The following GLI2 variants were observed in gnomAD, a reference collection of about 807,000 sequenced individuals.
The protein encoded by GLI2 is GLI family zinc finger 2.
Under a neutral mutation model 78.9 loss-of-function variants are expected in GLI2, and 22 were observed. The observed-to-expected ratio is 0.28, with a 90% CI of 0.20 to 0.40. GLI2 has a LOEUF of 0.40. GLI2 is among the 10% of genes least tolerant of loss of function. GLI2 has a pLI of 1.00. For missense variants in GLI2, 2,097 were observed against 2,213.2 expected (o/e 0.95, Z 1.05); for synonymous variants, 974 against 963.7 (o/e 1.01, Z -0.20).
chr2:120,900,668 G>A (rs764090798), intron 2 of GLI2, among the ~76,000 whole-genome samples: 7 of 152,212 alleles, frequency 4.6e-5, no homozygotes, highest in Non-Finnish European at 7.3e-5. Context: ...ATTATTTGCT[G>A]TCTTCTTCTG....
intron 8 of GLI2, among the ~76,000 whole-genome samples, chr2:120,974,384 AG>A (rs1210863864): frequency 2.0e-5 from 3 of 152,314 alleles, no homozygotes; most frequent in Non-Finnish European, 4.4e-5. Flanking sequence ...TGAGAGAAAA[AG>A]ACTTTGTCCT....
At chr2:120,845,668 C>T (rs920618948) in intron 2 of GLI2, among the ~76,000 whole-genome samples, 1 of 152,216 alleles carries the variant, frequency 6.6e-6, no homozygotes, top group African/African-American at 2.4e-5. Context: ...CATTCTACCA[C>T]TAATGAACTC....
At chr2:120,804,356 C>T (rs956648446) in intron 2 of GLI2, among the ~76,000 whole-genome samples, 3 of 152,166 alleles carry the variant, frequency 2.0e-5, no homozygotes, top group Admixed American at 6.5e-5. Flanking sequence ...CCCACATCCC[C>T]GCTTGCAGCA....
In GLI2 at chr2:120,988,358, C is replaced by T. The variant is rs1026630572; in HGVS notation, c.2393C>T (p.Ser798Leu). 1.3e-6 allele frequency: 2 copies of T among 1,569,462 alleles called. No individual in the cohort carries two copies. The highest frequency in any genetic ancestry group is 1.7e-6 in the Non-Finnish European group (2 of 1,166,326). ...RRDSSTSTVSSAYTVSRRSSG... is the reference protein window; with the variant it reads ...RRDSSTSTVSLAYTVSRRSSG... ...GACAGCTCCACCAGCACGGTCAGCT[C>T]GGCCTACACCGTGAGCCGCCGCTCC... Residue 798 changes from serine (S) to leucine (L), a missense_variant, in exon 14 of 14, where the codon TCG (serine) becomes TTG (leucine). Physicochemically the swap from Ser to Leu is moderately radical, Grantham distance 145. Coordinates refer to ENST00000361492, the MANE Select transcript of GLI2 (RefSeq NM_001374353.1).
chr2:120,897,144 C>T (rs890581319), intron 2 of GLI2, among the ~76,000 whole-genome samples: 3 of 152,342 alleles, frequency 2.0e-5, no homozygotes, highest in South Asian at 2.1e-4. Flanking sequence ...CCAGCCGCCA[C>T]GCCCTCTCCA....
intron 2 of GLI2, among the ~76,000 whole-genome samples, chr2:120,843,334 C>T (rs1275471596): frequency 6.6e-6 from 1 of 152,194 alleles, no homozygotes; most frequent in East Asian, 1.9e-4. Context: ...AGGCTTCCAG[C>T]CCCGAGGTAG....
chr2:120,777,042 AGCTGT>A (rs1683699983), intron 1 of GLI2, among the ~76,000 whole-genome samples: 2 of 152,074 alleles, frequency 1.3e-5, no homozygotes, highest in Non-Finnish European at 2.9e-5. Flanking sequence ...CTGTCAGTGG[AGCTGT>A]GTGCACGCGT....
intron 5 of GLI2, among the ~76,000 whole-genome samples, chr2:120,960,860 G>T (rs1423898808): frequency 1.3e-5 from 2 of 152,242 alleles, no homozygotes; most frequent in Non-Finnish European, 2.9e-5. Context: ...TGGTCTCCCA[G>T]TGGTGGGTGA....
At chr2:120,795,902 A>G (rs1448528801) in intron 1 of GLI2, among the ~76,000 whole-genome samples, 1 of 152,014 alleles carries the variant, frequency 6.6e-6, no homozygotes, top group Non-Finnish European at 1.5e-5. Flanking sequence ...ATACAAAATT[A>G]GCCGGGCGTG....
chr2:120,833,877 A>G (rs904932838), intron 2 of GLI2, among the ~76,000 whole-genome samples: 3 of 152,198 alleles, frequency 2.0e-5, no homozygotes, highest in African/African-American at 4.8e-5. Flanking sequence ...CCAATCCACA[A>G]GTCTTCAAAG....
chr2:120,774,676 C>T (rs1398119477), intron 1 of GLI2, among the ~76,000 whole-genome samples: 1 of 152,186 alleles, frequency 6.6e-6, no homozygotes, highest in Non-Finnish European at 1.5e-5. Context: ...GAGTCCTCAT[C>T]CTTGTGTGGG....
chr2:120,811,558 C>T (rs13023369), intron 2 of GLI2, among the ~76,000 whole-genome samples: 38,231 of 152,060 alleles, frequency 0.25, 5,182 homozygotes, highest in East Asian at 0.39. Context: ...TGACAGGGCA[C>T]ATGCCAGGGC....
chr2:120,936,251 CTG>C (rs968678989), intron 3 of GLI2, among the ~76,000 whole-genome samples: 4 of 152,142 alleles, frequency 2.6e-5, no homozygotes, highest in Non-Finnish European at 4.4e-5. Context: ...CCATGTGAAA[CTG>C]TTGTGAGGAC....
At chr2:120,776,423 G>T (rs1469763901) in intron 1 of GLI2, among the ~76,000 whole-genome samples, 1 of 152,170 alleles carries the variant, frequency 6.6e-6, no homozygotes, top group Non-Finnish European at 1.5e-5. Flanking sequence ...CTGCCTGCTT[G>T]CTCTGGCGTG....
Position 120,978,505 on chromosome 2 carries a change from G to A in GLI2, c.1389G>A (p.Glu463=). ...FVCRWQACTR[E]QKPFKAQYML... ...GCCGCTGGCAGGCCTGCACGCGGGAGCAGAAGCCCTTCAAGGCGCAGTACA... is the reference window on the plus strand; with the variant it reads ...GCCGCTGGCAGGCCTGCACGCGGGAACAGAAGCCCTTCAAGGCGCAGTACA... Residue 463 remains glutamate (E), a synonymous_variant, in exon 10 of 14, where the codon GAG becomes GAA. Transcript: ENST00000361492. The A allele has an allele frequency of 6.2e-7, 1 of 1,614,140 alleles. No homozygotes were observed. The highest frequency in any genetic ancestry group is 1.6e-4 in the Middle Eastern group (1 of 6,062).
intron 5 of GLI2, among the ~76,000 whole-genome samples, chr2:120,968,485 T>C (rs1342425359): frequency 6.6e-6 from 1 of 152,224 alleles, no homozygotes; most frequent in Admixed American, 6.5e-5. Context: ...ACACCTTACA[T>C]GCACTTCTCC....
chr2:120,789,448 C>G (rs567910771), intron 1 of GLI2, among the ~76,000 whole-genome samples: 1 of 152,086 alleles, frequency 6.6e-6, no homozygotes, highest in Non-Finnish European at 1.5e-5. Flanking sequence ...TTGTGCTCTC[C>G]GGGCCAAGTT....
intron 1 of GLI2, among the ~76,000 whole-genome samples, chr2:120,790,204 T>C (rs1333674127): frequency 6.6e-6 from 1 of 152,208 alleles, no homozygotes; most frequent in Non-Finnish European, 1.5e-5. Flanking sequence ...TGGTGGGCCA[T>C]GCACCAAATC....
intron 5 of GLI2, among the ~76,000 whole-genome samples, chr2:120,962,768 A>G (rs1307227139): frequency 2.0e-5 from 3 of 152,198 alleles, no homozygotes; most frequent in Non-Finnish European, 2.9e-5. Flanking sequence ...GATAACAGAG[A>G]TGAATATCAC....
Sources: allele counts gnomAD v4.1 joint callset (sites outside exome capture counted in the v4.1 genomes callset), GRCh38; gene constraint gnomAD v4.1.1; transcripts MANE v1.5; gene names NCBI Gene and HGNC (gene_info 2026-07-23, HGNC 2026-07-21).